The following LRRC4C variants were observed in gnomAD, a reference collection of about 807,000 sequenced individuals.
LRRC4C encodes the protein leucine rich repeat containing 4C.
A neutral mutation model predicts 33.6 loss-of-function variants in LRRC4C; 5 were observed. That is an observed-to-expected ratio of 0.15 (90% CI 0.08 to 0.31). The LOEUF is 0.31. LRRC4C is among the 10% of genes least tolerant of loss of function. The pLI, the probability that LRRC4C is intolerant of heterozygous loss-of-function variation, is 1.00. For synonymous variants in LRRC4C, 329 were observed against 302.0 expected (o/e 1.09, Z -0.93); for missense variants, 560 against 796.7 (o/e 0.70, Z 3.58).
intron 1 of LRRC4C, among the ~76,000 whole-genome samples, chr11:40,952,890 ACACACACTCTCT>A (rs1410987644): frequency 2.3e-3 from 115 of 50,450 alleles, no homozygotes; most frequent in African/African-American, 4.3e-3. Flanking sequence ...ACACACACAC[ACACACACTCTCT>A]CTCTCTCTCT....
intron 3 of LRRC4C, among the ~76,000 whole-genome samples, chr11:40,424,819 G>A (rs116139587): frequency 0.011 from 1,641 of 152,280 alleles, 31 homozygotes; most frequent in African/African-American, 0.037. Flanking sequence ...AACACTGAAA[G>A]CCTCTGAGGA....
intron 3 of LRRC4C, among the ~76,000 whole-genome samples, chr11:40,420,165 T>A (rs545350268): frequency 6.6e-6 from 1 of 152,324 alleles, no homozygotes; most frequent in East Asian, 1.9e-4. Flanking sequence ...TGGTGACCGT[T>A]AGAAAGCTTC....
intron 1 of LRRC4C, among the ~76,000 whole-genome samples, chr11:41,452,182 T>C (rs1053138011): frequency 2.6e-5 from 4 of 152,250 alleles, no homozygotes; most frequent in Admixed American, 2.0e-4. Context: ...TCCAATCATA[T>C]GGTTGAAAAA....
chr11:41,303,198 C>T (rs1030896050), intron 1 of LRRC4C, among the ~76,000 whole-genome samples: 1 of 149,660 alleles, frequency 6.7e-6, no homozygotes, highest in Non-Finnish European at 1.5e-5. Context: ...AACCTCCCTG[C>T]CTGATTCTCC....
At chr11:40,706,213 A>G (rs1482940885) in intron 2 of LRRC4C, among the ~76,000 whole-genome samples, 4 of 152,118 alleles carry the variant, frequency 2.6e-5, no homozygotes, top group Non-Finnish European at 5.9e-5. Flanking sequence ...CTTCAGTTTA[A>G]TTAGATCCCA....
chr11:40,620,972 G>T (rs1391330882), intron 3 of LRRC4C, among the ~76,000 whole-genome samples: 1 of 151,630 alleles, frequency 6.6e-6, no homozygotes, highest in Non-Finnish European at 1.5e-5. Flanking sequence ...AGGCCTACAA[G>T]CTTGTTTTTT....
chr11:40,455,690 C>T (rs1450131450), intron 3 of LRRC4C, among the ~76,000 whole-genome samples: 2 of 152,060 alleles, frequency 1.3e-5, no homozygotes, highest in Non-Finnish European at 2.9e-5. Context: ...ACATTGTTGC[C>T]TTCAGAATTC....
At chr11:40,207,644 C>G (rs564423113) in intron 5 of LRRC4C, among the ~76,000 whole-genome samples, 5 of 152,112 alleles carry the variant, frequency 3.3e-5, no homozygotes, top group Non-Finnish European at 7.4e-5. Flanking sequence ...GCAAGAGATA[C>G]TTTTCTGATG....
intron 3 of LRRC4C, among the ~76,000 whole-genome samples, chr11:40,369,318 T>G (rs1461847795): frequency 6.6e-6 from 1 of 152,312 alleles, no homozygotes; most frequent in Admixed American, 6.5e-5. Flanking sequence ...GATCCCATTT[T>G]ATTCTGCAGT....
At chr11:40,188,525 C>T (rs984254679) in intron 5 of LRRC4C, among the ~76,000 whole-genome samples, 1 of 152,162 alleles carries the variant, frequency 6.6e-6, no homozygotes, top group African/African-American at 2.4e-5. Context: ...TTCTACCTTG[C>T]ATGTTTCTAC....
At chr11:40,861,463 T>C (rs1954097651) in intron 2 of LRRC4C, among the ~76,000 whole-genome samples, 1 of 152,194 alleles carries the variant, frequency 6.6e-6, no homozygotes, top group Non-Finnish European at 1.5e-5. Flanking sequence ...TTCATTCCAT[T>C]ACCAAAAACT....
intron 3 of LRRC4C, among the ~76,000 whole-genome samples, chr11:40,610,230 T>C (rs1961066319): frequency 6.6e-6 from 1 of 151,868 alleles, no homozygotes; most frequent in African/African-American, 2.4e-5. Context: ...GTTCAATATA[T>C]GAACATCAAC....
At chr11:41,088,922 G>A (rs1010458683) in intron 1 of LRRC4C, among the ~76,000 whole-genome samples, 9 of 152,080 alleles carry the variant, frequency 5.9e-5, no homozygotes, top group African/African-American at 9.6e-5. Flanking sequence ...TTAGATAACC[G>A]AAACATAGAA....
chr11:41,370,157 T>C (rs1482826011), intron 1 of LRRC4C, among the ~76,000 whole-genome samples: 1 of 152,136 alleles, frequency 6.6e-6, no homozygotes, highest in Non-Finnish European at 1.5e-5. Flanking sequence ...AGTAAGACTG[T>C]CTGGATAACT....
At chr11:41,285,008 A>T (rs983346722) in intron 1 of LRRC4C, among the ~76,000 whole-genome samples, 2 of 152,160 alleles carry the variant, frequency 1.3e-5, no homozygotes, top group Admixed American at 1.3e-4. Flanking sequence ...ATTTTTTCTC[A>T]AGTGACAGAT....
At chr11:41,014,332 G>T in intron 1 of LRRC4C, among the ~76,000 whole-genome samples, 1 of 152,102 alleles carries the variant, frequency 6.6e-6, no homozygotes, top group East Asian at 1.9e-4. Flanking sequence ...CTTGGCAGTA[G>T]CAGGCCAGAA....
At chr11:41,303,231 G>A (rs1950338280) in intron 1 of LRRC4C, among the ~76,000 whole-genome samples, 3 of 149,842 alleles carry the variant, frequency 2.0e-5, no homozygotes, top group Admixed American at 6.7e-5. Flanking sequence ...CCGAATGCCT[G>A]CGATTGCAGG....
chr11:40,407,745 C>G (rs1950012199), intron 3 of LRRC4C, among the ~76,000 whole-genome samples: 1 of 151,934 alleles, frequency 6.6e-6, no homozygotes, highest in Admixed American at 6.6e-5. Flanking sequence ...CAATTTAAAC[C>G]AATTCAACAT....
At chr11:40,843,912 A>G (rs1254890579) in intron 2 of LRRC4C, among the ~76,000 whole-genome samples, 1 of 152,186 alleles carries the variant, frequency 6.6e-6, no homozygotes, top group East Asian at 1.9e-4. Flanking sequence ...AGTTTTATAT[A>G]AGGAGCTTTA....
Sources: gnomAD v4.1 joint callset for allele counts (sites outside exome capture counted in the v4.1 genomes callset) on GRCh38, gnomAD v4.1.1 for gene constraint, MANE v1.5 for transcripts, NCBI Gene and HGNC (gene_info 2026-07-23, HGNC 2026-07-21) for gene names.